The following CSRNP3 variants were observed in gnomAD, a reference collection of about 807,000 sequenced individuals.
CSRNP3 encodes cysteine and serine rich nuclear protein 3.
In CSRNP3, 12 loss-of-function variants were observed where a neutral mutation model predicts 48.0. The observed-to-expected ratio is 0.25, with a 90% CI of 0.16 to 0.41. CSRNP3 has a LOEUF of 0.41. Ranked by LOEUF, CSRNP3 falls within the 10% of genes least tolerant of loss-of-function variation. The probability of loss-of-function intolerance (pLI) is 1.00; values close to 1 mark genes in which losing one functional copy is unlikely to be tolerated. For synonymous variants in CSRNP3, 263 were observed against 269.7 expected, an observed-to-expected ratio of 0.98 and a Z score of 0.24; for missense variants, 580 against 724.4, an observed-to-expected ratio of 0.80 and a Z score of 2.29.
intron 3 of CSRNP3, among the ~76,000 whole-genome samples, chr2:165,518,541 A>G (rs1430764079): frequency 2.0e-5 from 3 of 152,040 alleles, no homozygotes; most frequent in African/African-American, 7.2e-5. Flanking sequence ...GAAAAGAAGA[A>G]TAAGCCTACC....
chr2:165,477,545 T>G (rs1232844260), intron 1 of CSRNP3, among the ~76,000 whole-genome samples: 2 of 147,558 alleles, frequency 1.4e-5, no homozygotes, highest in Non-Finnish European at 3.0e-5. Context: ...CGTGGGTACC[T>G]GTAATCCCAG....
At chr2:165,656,031 C>G (rs1010576352) in intron 4 of CSRNP3, among the ~76,000 whole-genome samples, 7 of 152,072 alleles carry the variant, frequency 4.6e-5, no homozygotes, top group African/African-American at 1.7e-4. Flanking sequence ...AATAGAAAAG[C>G]AGATAGGAAA....
Position 165,681,296 on chromosome 2 carries a change from A to G in CSRNP3, c.*1543A>G, listed in dbSNP as rs1248158315. On this transcript the variant is annotated 3_prime_UTR_variant, in exon 7 of 7. Transcript: ENST00000651982. The stretch of plus-strand genomic sequence containing the variant: ...TGTTATATCACTTCACATGTTTTAT[A>G]ACTATTTGAAATGCGGACATGACTT... 6.6e-6 allele frequency: 1 copy of G among 152,114 alleles called. No individual in the cohort carries two copies. Among genetic ancestry groups the G allele is most frequent in the Non-Finnish European group, 1.5e-5 (1 of 68,028 alleles). 9.4% of individuals were successfully genotyped at this position (152,114 alleles called of 1,614,324 possible).
chr2:165,639,826 C>G (rs1025022302), intron 4 of CSRNP3, among the ~76,000 whole-genome samples: 15 of 152,176 alleles, frequency 9.9e-5, no homozygotes, highest in African/African-American at 3.6e-4. Context: ...TAGACTGTCT[C>G]TTACAGATAC....
At chr2:165,633,723 A>G (rs1686576834) in intron 4 of CSRNP3, among the ~76,000 whole-genome samples, 1 of 152,220 alleles carries the variant, frequency 6.6e-6, no homozygotes, top group Non-Finnish European at 1.5e-5. Context: ...CTTGCTGAGG[A>G]CAATGCCTGG....
intron 3 of CSRNP3, among the ~76,000 whole-genome samples, chr2:165,584,123 TA>T (rs1467014066): frequency 6.6e-6 from 1 of 152,196 alleles, no homozygotes; most frequent in African/African-American, 2.4e-5. Flanking sequence ...CATGAATCAA[TA>T]TTATTATCTT....
chr2:165,519,294 A>C (rs905576874), intron 3 of CSRNP3, among the ~76,000 whole-genome samples: 2 of 151,992 alleles, frequency 1.3e-5, no homozygotes, highest in Non-Finnish European at 2.9e-5. Context: ...ATTCGAGTAC[A>C]TTGGATTTCC....
At chr2:165,609,465 G>GAAAA (rs34249194) in intron 4 of CSRNP3, among the ~76,000 whole-genome samples, 149 of 97,566 alleles carry the variant, frequency 1.5e-3, no homozygotes, top group Non-Finnish European at 1.8e-3. Flanking sequence ...TCTAAAAAAA[G>GAAAA]AAAAAAAAAA....
intron 1 of CSRNP3, among the ~76,000 whole-genome samples, chr2:165,483,075 T>C (rs1326357225): frequency 6.7e-6 from 1 of 149,946 alleles, no homozygotes; most frequent in Non-Finnish European, 1.5e-5. Context: ...AATATAGATA[T>C]AAATAAATAA....
chr2:165,580,568 A>ATAC (rs1315515633), intron 3 of CSRNP3, among the ~76,000 whole-genome samples: 3 of 152,178 alleles, frequency 2.0e-5, no homozygotes, highest in Non-Finnish European at 4.4e-5. Flanking sequence ...GGATGGGTAT[A>ATAC]GTTCTAAAGC....
intron 3 of CSRNP3, among the ~76,000 whole-genome samples, chr2:165,541,901 A>G (rs1420998916): frequency 6.6e-6 from 1 of 152,156 alleles, no homozygotes; most frequent in Non-Finnish European, 1.5e-5. Flanking sequence ...AATTATTTTT[A>G]TCATGTCCTA....
At chr2:165,569,262 G>A (rs1479261162) in intron 3 of CSRNP3, among the ~76,000 whole-genome samples, 2 of 152,078 alleles carry the variant, frequency 1.3e-5, no homozygotes, top group Non-Finnish European at 2.9e-5. Context: ...CATCAAGGGA[G>A]AATCTAATAG....
At chr2:165,518,136 G>A (rs963339390) in intron 3 of CSRNP3, among the ~76,000 whole-genome samples, 175 bp downstream of exon 3, 7 of 151,848 alleles carry the variant, frequency 4.6e-5, no homozygotes, top group African/African-American at 1.7e-4. Flanking sequence ...ACAGTATTTA[G>A]TTTCATTAGG....
At chr2:165,629,834 A>G (rs1449744372) in intron 4 of CSRNP3, among the ~76,000 whole-genome samples, 1 of 152,032 alleles carries the variant, frequency 6.6e-6, no homozygotes, top group Non-Finnish European at 1.5e-5. Flanking sequence ...AAAAGTTTTC[A>G]TCTTTATTTG....
chr2:165,678,207 CA>C (rs1386188599), intron 6 of CSRNP3, among the ~76,000 whole-genome samples: 1 of 152,070 alleles, frequency 6.6e-6, no homozygotes. Context: ...TTATAATAAG[CA>C]AAAGCAAAAG....
At chr2:165,519,532 A>G (rs1684624293) in intron 3 of CSRNP3, among the ~76,000 whole-genome samples, 6 of 152,114 alleles carry the variant, frequency 3.9e-5, no homozygotes, top group Admixed American at 1.3e-4. Flanking sequence ...AGTTAATGCA[A>G]GTAAAGTAAT....
chr2:165,593,749 A>C (rs9287859), intron 3 of CSRNP3, among the ~76,000 whole-genome samples: 1 of 151,802 alleles, frequency 6.6e-6, no homozygotes, highest in Admixed American at 6.5e-5. Context: ...AATGTCTTCA[A>C]TTCCTCAGGT....
chr2:165,623,513 C>A (rs1653647361), intron 4 of CSRNP3, among the ~76,000 whole-genome samples: 1 of 152,150 alleles, frequency 6.6e-6, no homozygotes, highest in African/African-American at 2.4e-5. Context: ...GGTTGGGGAC[C>A]ACTGATATAA....
At chr2:165,497,965 A>G (rs765720430) in intron 2 of CSRNP3, among the ~76,000 whole-genome samples, 5 of 152,084 alleles carry the variant, frequency 3.3e-5, no homozygotes, top group Non-Finnish European at 4.4e-5. Context: ...CTCATTTCTT[A>G]TTGCCTTTTT....
Sources: gnomAD v4.1 joint callset for allele counts (sites outside exome capture counted in the v4.1 genomes callset) on GRCh38, gnomAD v4.1.1 for gene constraint, MANE v1.5 for transcripts, NCBI Gene and HGNC (gene_info 2026-07-23, HGNC 2026-07-21) for gene names.